ASIC2: variants seen among roughly 807,000 people sequenced by gnomAD.
The protein encoded by ASIC2 is acid sensing ion channel subunit 2.
Under a neutral mutation model 57.3 loss-of-function variants are expected in ASIC2, and 25 were observed. The ratio of observed to expected loss-of-function variants is 0.44; its 90% CI spans 0.32 to 0.61. ASIC2 has a LOEUF of 0.61. Among genes scored for constraint, ASIC2 ranks in the 20% least tolerant of loss-of-function variants. ASIC2 has a pLI of 0.06. For synonymous variants in ASIC2, 319 were observed against 307.5 expected (o/e 1.04, Z -0.39); for missense variants, 641 against 738.1 (o/e 0.87, Z 1.52).
At chr17:33,388,862 G>A (rs1909790063) in intron 1 of ASIC2, among the ~76,000 whole-genome samples, 2 of 152,248 alleles carry the variant, frequency 1.3e-5, no homozygotes, top group Admixed American at 1.3e-4. Context: ...AATCCAGGCT[G>A]CTTCCAACTT....
chr17:33,403,741 C>T lies in ASIC2; in HGVS notation c.556-291674G>A, dbSNP rs930014666. 2.0e-5 allele frequency among the ~76,000 whole-genome samples: 3 copies of T among 152,190 alleles called. No individual in the cohort carries two copies. In the South Asian group the frequency reaches 6.2e-4, roughly 31 times the overall value. On this transcript the variant is annotated intron_variant, in intron 1 of 9. Coordinates refer to the ASIC2 transcript ENST00000359872. ...CAACCTCCATCATCATTTGACATTA[C>T]CCTTTTACTTCTATTAAAGAATCTT...
intron 1 of ASIC2, among the ~76,000 whole-genome samples, chr17:33,173,400 C>T (rs1905607281): frequency 6.6e-6 from 1 of 152,088 alleles, no homozygotes; most frequent in East Asian, 1.9e-4. Flanking sequence ...GCTTGCGGGG[C>T]CTGATCCTCC....
chr17:33,220,761 G>C (rs1907659098), intron 1 of ASIC2, among the ~76,000 whole-genome samples: 1 of 152,036 alleles, frequency 6.6e-6, no homozygotes, highest in African/African-American at 2.4e-5. Flanking sequence ...TCCCCCATGA[G>C]ATGCTTAAAG....
Position 33,175,221 on chromosome 17 carries a change from T to C in ASIC2, c.709-63154A>G, listed in dbSNP as rs1905702618. ...TTAGTACTGATTAGGCATTTTTCTT[T>C]TGCAAAACTTCTTTCTCCGACATTG... On this transcript the variant is annotated intron_variant, in intron 1 of 9. Transcript: ENST00000225823. Among the ~76,000 whole-genome samples the C allele has an allele frequency of 3.3e-5, 5 of 152,184 alleles. No individual in the cohort carries two copies. The South Asian group carries it at 8.3e-4, about 25-fold the overall frequency.
intron 1 of ASIC2, among the ~76,000 whole-genome samples, chr17:33,267,898 G>A (rs1909529375): frequency 6.6e-6 from 1 of 152,210 alleles, no homozygotes; most frequent in Non-Finnish European, 1.5e-5. Flanking sequence ...GATGTGGGTG[G>A]TGGTTGGGTT....
In ASIC2 at chr17:33,310,508, G is replaced by A. The variant is rs1288058726; in HGVS notation, c.556-198441C>T. 2.0e-5 allele frequency among the ~76,000 whole-genome samples: 3 copies of A among 152,174 alleles called. No homozygotes were observed. The South Asian group carries it at 6.2e-4, about 32-fold the overall frequency. On this transcript the variant is annotated intron_variant, in intron 1 of 9. Coordinates refer to the ASIC2 transcript ENST00000359872. The stretch of plus-strand genomic sequence containing the variant: ...TTAATTCAGGAGATGAATGTGCATT[G>A]ACGAGGACAAAGGTTAGGGACTGTG...
At chr17:33,389,966 C>T (rs919659283) in intron 1 of ASIC2, among the ~76,000 whole-genome samples, 4 of 152,100 alleles carry the variant, frequency 2.6e-5, no homozygotes, top group African/African-American at 9.7e-5. Flanking sequence ...TCAAGAATCA[C>T]GGCCTGCTGA....
At chr17:33,058,119 G>A (rs1001446465) in intron 3 of ASIC2, among the ~76,000 whole-genome samples, 8 of 152,120 alleles carry the variant, frequency 5.3e-5, no homozygotes, top group South Asian at 2.1e-4. Flanking sequence ...GGCAATTAAC[G>A]AGGAAATTAA....
intron 1 of ASIC2, among the ~76,000 whole-genome samples, chr17:34,134,020 T>G (rs35260545): frequency 0.026 from 3,967 of 152,286 alleles, 165 homozygotes; most frequent in African/African-American, 0.089. Flanking sequence ...AGAAGGAAAC[T>G]AATTCTGAGA....
chr17:34,062,695 C>T (rs1328101507), intron 1 of ASIC2, among the ~76,000 whole-genome samples: 2 of 152,082 alleles, frequency 1.3e-5, no homozygotes, highest in Admixed American at 6.5e-5. Context: ...TATATTACAA[C>T]TGACACCACT....
chr17:33,854,386 C>T (rs317418), intron 1 of ASIC2, among the ~76,000 whole-genome samples: 99,261 of 152,120 alleles, frequency 0.65, 32,708 homozygotes, highest in East Asian at 0.96. Flanking sequence ...TCTTTCTGTA[C>T]CCACATATGT....
At chr17:33,279,855 G>A (rs920953966) in intron 1 of ASIC2, among the ~76,000 whole-genome samples, 11 of 152,166 alleles carry the variant, frequency 7.2e-5, no homozygotes, top group Admixed American at 7.2e-4. Context: ...TTCCTCATTG[G>A]TAAAATGGGT....
intron 1 of ASIC2, chr17:34,081,007 A>T (rs1909858149): frequency 6.6e-6 from 1 of 152,230 alleles, no homozygotes; most frequent in Non-Finnish European, 1.5e-5. Flanking sequence ...CAAGGAATAA[A>T]GTACCTAGTA....
At chr17:33,488,457 T>C (rs1913647043) in intron 1 of ASIC2, among the ~76,000 whole-genome samples, 1 of 152,200 alleles carries the variant, frequency 6.6e-6, no homozygotes, top group Admixed American at 6.5e-5. Flanking sequence ...TGTGAAAGAT[T>C]CTTTTTTATT....
intron 1 of ASIC2, among the ~76,000 whole-genome samples, chr17:33,733,306 A>G (rs1440566739): frequency 6.6e-6 from 1 of 152,176 alleles, no homozygotes; most frequent in Non-Finnish European, 1.5e-5. Context: ...CTGTATTTGC[A>G]CGGGTTCCTA....
chr17:33,619,420 G>A, intron 1 of ASIC2, among the ~76,000 whole-genome samples: 2 of 152,186 alleles, frequency 1.3e-5, no homozygotes, highest in South Asian at 4.2e-4. Flanking sequence ...GGGGAAAAAA[G>A]GTGCAAGTGC....
intron 1 of ASIC2, among the ~76,000 whole-genome samples, chr17:33,797,458 C>G (rs2142141511): frequency 6.6e-6 from 1 of 152,248 alleles, no homozygotes; most frequent in South Asian, 2.1e-4. Context: ...ATTATTGCAT[C>G]CTGCTACCTT....
intron 1 of ASIC2, among the ~76,000 whole-genome samples, chr17:34,139,366 C>A (rs1373061307): frequency 6.6e-6 from 1 of 152,164 alleles, no homozygotes; most frequent in Non-Finnish European, 1.5e-5. Flanking sequence ...CAGATAGATT[C>A]ATATGTGGGA....
chr17:33,449,834 G>A (rs1912181081), intron 1 of ASIC2, among the ~76,000 whole-genome samples: 1 of 151,764 alleles, frequency 6.6e-6, no homozygotes. Flanking sequence ...AAGTGCAGTG[G>A]CACAATCTTG....
Sources: allele counts gnomAD v4.1 joint callset (sites outside exome capture counted in the v4.1 genomes callset), GRCh38; gene constraint gnomAD v4.1.1; transcripts MANE v1.5; gene names NCBI Gene and HGNC (gene_info 2026-07-23, HGNC 2026-07-21).